Variants in TRDN observed in about 807,000 individuals in gnomAD.
The protein encoded by TRDN is triadin.
In TRDN, 161 loss-of-function variants were observed where a neutral mutation model predicts 149.7. That is an observed-to-expected ratio of 1.08 (90% CI 0.95 to 1.23). The LOEUF is 1.23. Ranked by LOEUF, TRDN falls within the 50% of genes most tolerant of loss-of-function variation. The probability of loss-of-function intolerance (pLI) is 0.00; values close to 1 mark genes in which losing one functional copy is unlikely to be tolerated. For synonymous variants in TRDN, 294 were observed against 250.5 expected (o/e 1.17, Z -1.64); for missense variants, 896 against 823.5 (o/e 1.09, Z -1.08).
At chr6:123,349,329 C>T (rs1295037496) in intron 21 of TRDN, 1 of 159,736 alleles carries the variant, frequency 6.3e-6, no homozygotes, top group Non-Finnish European at 1.3e-5. Flanking sequence ...TCATGCATTG[C>T]CTTCAATATA....
chr6:123,493,054 T>C (rs1778291385), intron 9 of TRDN, among the ~76,000 whole-genome samples: 1 of 152,126 alleles, frequency 6.6e-6, no homozygotes, highest in Non-Finnish European at 1.5e-5. Context: ...TGTTAGTTCA[T>C]TAAATGGAGA....
chr6:123,526,346 G>T (rs530971041), intron 5 of TRDN, among the ~76,000 whole-genome samples: 1 of 152,094 alleles, frequency 6.6e-6, no homozygotes, highest in Admixed American at 6.6e-5. Flanking sequence ...CCAGCAGGAA[G>T]CAAGGTTCTA....
At chr6:123,243,806 A>C (rs1184835204) in intron 38 of TRDN, among the ~76,000 whole-genome samples, 2 of 152,194 alleles carry the variant, frequency 1.3e-5, no homozygotes, top group Non-Finnish European at 2.9e-5. Flanking sequence ...TGTTACAGTT[A>C]GGATGACATA....
chr6:123,571,731 A>G (rs1042808691), intron 1 of TRDN, among the ~76,000 whole-genome samples: 2 of 152,158 alleles, frequency 1.3e-5, no homozygotes, highest in Admixed American at 1.3e-4. Context: ...GTACATACAT[A>G]TAAATATATA....
chr6:123,359,350 G>T (rs758231793), intron 20 of TRDN, among the ~76,000 whole-genome samples: 13 of 152,110 alleles, frequency 8.5e-5, no homozygotes, highest in Non-Finnish European at 2.9e-5. Flanking sequence ...CCAGTTCTTG[G>T]GGCACTCTAT....
chr6:123,501,140 G>A (rs1778681877), intron 8 of TRDN, among the ~76,000 whole-genome samples: 1 of 151,718 alleles, frequency 6.6e-6, no homozygotes. Context: ...AATGCTTTAA[G>A]CAGAAAAAGA....
chr6:123,454,472 T>G (rs1439112249), intron 10 of TRDN, among the ~76,000 whole-genome samples: 1 of 152,200 alleles, frequency 6.6e-6, no homozygotes, highest in East Asian at 1.9e-4. Context: ...TGAGCTTGTA[T>G]GCACTAGAAT....
Position 123,464,974 on chromosome 6 carries a change from G to A in TRDN, c.863C>T (p.Pro288Leu), listed in dbSNP as rs1408332939. 2.3e-5 allele frequency: 36 copies of A among 1,594,498 alleles called. No homozygotes were observed. The highest frequency in any genetic ancestry group is 3.1e-5 in the Non-Finnish European group (36 of 1,170,048). The change falls in exon 10 of 41, where the codon CCA becomes CTA. Residue 288 changes from proline to leucine, a missense_variant. Pro to Leu is a moderately conservative substitution (Grantham distance 98). Coordinates refer to ENST00000334268, the MANE Select transcript of TRDN (RefSeq NM_006073.4). ...VHGDLKPGQS[P>L]AIPPPLPTEQ... ...TGTCGGTAAGGGAGGTGGAATGGCT[G>A]GGCTTTGTCCTACACAATGTAGAAG...
At chr6:123,591,655 A>G (rs1188380741) in intron 1 of TRDN, among the ~76,000 whole-genome samples, 7 of 152,212 alleles carry the variant, frequency 4.6e-5, no homozygotes, top group African/African-American at 1.7e-4. Context: ...AAATACACGT[A>G]TTTTAAGAAG....
intron 12 of TRDN, among the ~76,000 whole-genome samples, chr6:123,407,261 C>T (rs977944523): frequency 2.6e-5 from 4 of 152,086 alleles, no homozygotes; most frequent in Admixed American, 2.6e-4. Flanking sequence ...CTGCTTATAC[C>T]AACCAAACCG....
chr6:123,336,480 T>G (rs1779874259), intron 22 of TRDN, among the ~76,000 whole-genome samples: 1 of 151,958 alleles, frequency 6.6e-6, no homozygotes, highest in Admixed American at 6.6e-5. Context: ...ACCTTCTCAT[T>G]TACATTTCAT....
At chr6:123,342,080 A>T (rs1327965485) in intron 21 of TRDN, among the ~76,000 whole-genome samples, 1 of 151,928 alleles carries the variant, frequency 6.6e-6, no homozygotes, top group Non-Finnish European at 1.5e-5. Flanking sequence ...CAAGCATTGG[A>T]GTATTCATAT....
chr6:123,571,158 T>C (rs1267748241), intron 1 of TRDN, 26 bp from the exon 2 acceptor site: 1 of 1,609,512 alleles, frequency 6.2e-7, no homozygotes, highest in Non-Finnish European at 8.5e-7. Context: ...GAAAGGAAAA[T>C]ATAATTTAGA....
At chr6:123,304,242 CTTTTATTTTCTT>C in intron 24 of TRDN, among the ~76,000 whole-genome samples, 2 of 127,562 alleles carry the variant, frequency 1.6e-5, no homozygotes, top group South Asian at 5.0e-4. Flanking sequence ...TATTAATTTT[CTTTTATTTTCTT>C]TTTTTTTTTT....
intron 24 of TRDN, among the ~76,000 whole-genome samples, chr6:123,296,992 G>GT (rs1269685426): frequency 1.3e-5 from 2 of 152,048 alleles, no homozygotes; most frequent in Non-Finnish European, 2.9e-5. Context: ...TATTTATGGT[G>GT]TTTTTTATTT....
intron 10 of TRDN, among the ~76,000 whole-genome samples, chr6:123,441,281 C>G (rs1182450502): frequency 6.6e-6 from 1 of 152,074 alleles, no homozygotes; most frequent in Non-Finnish European, 1.5e-5. Flanking sequence ...CCTCAACAGC[C>G]AAGAGTACTC....
intron 20 of TRDN, among the ~76,000 whole-genome samples, chr6:123,361,524 A>G (rs1780903205): frequency 6.6e-6 from 1 of 152,070 alleles, no homozygotes; most frequent in African/African-American, 2.4e-5. Flanking sequence ...ATAATAAAAA[A>G]AAAGAGAGAG....
At chr6:123,566,823 A>G (rs1292222669) in intron 2 of TRDN, among the ~76,000 whole-genome samples, 1 of 152,220 alleles carries the variant, frequency 6.6e-6, no homozygotes, top group South Asian at 2.1e-4. Context: ...CATAATTTAT[A>G]TAGTTCTTTC....
At chr6:123,375,132 T>C (rs1781460390) in intron 19 of TRDN, among the ~76,000 whole-genome samples, 1 of 152,204 alleles carries the variant, frequency 6.6e-6, no homozygotes, top group African/African-American at 2.4e-5. Context: ...GGTTATCAGT[T>C]AATACTTCAT....
Sources: gnomAD v4.1 joint callset for allele counts (sites outside exome capture counted in the v4.1 genomes callset) on GRCh38, gnomAD v4.1.1 for gene constraint, MANE v1.5 for transcripts, NCBI Gene and HGNC (gene_info 2026-07-23, HGNC 2026-07-21) for gene names.